Variants in HEMK2 observed in about 807,000 individuals in gnomAD.
HEMK2 encodes HemK methyltransferase 2, ETF1 glutamine and histone H4 lysine.
chr21:28,823,635 G>A, the HEMK2 span, among the ~76,000 whole-genome samples: 3 of 152,126 alleles, frequency 2.0e-5, no homozygotes, highest in African/African-American at 7.2e-5. Flanking sequence ...GCACTATAGA[G>A]ATGTATACTG....
the HEMK2 span, among the ~76,000 whole-genome samples, chr21:28,700,830 A>AACAC: frequency 0.34 from 51,389 of 150,708 alleles, 11,730 homozygotes; most frequent in African/African-American, 0.65. Context: ...AGCTTGCAGA[A>AACAC]ACACACACAC....
At chr21:28,749,790 T>A in the HEMK2 span, among the ~76,000 whole-genome samples, 1 of 152,160 alleles carries the variant, frequency 6.6e-6, no homozygotes, top group Non-Finnish European at 1.5e-5. Context: ...CTGTAAGAAA[T>A]TAAAATGAAC....
the HEMK2 span, among the ~76,000 whole-genome samples, chr21:28,737,278 C>A: frequency 6.6e-6 from 1 of 152,144 alleles, no homozygotes; most frequent in African/African-American, 2.4e-5. Context: ...GTGTGAACCA[C>A]CCCACCGAGG....
At chr21:28,744,072 C>A in the HEMK2 span, among the ~76,000 whole-genome samples, 1 of 151,756 alleles carries the variant, frequency 6.6e-6, no homozygotes, top group South Asian at 2.1e-4. Flanking sequence ...ATAGCAGATA[C>A]TGAGGCCTAC....
chr21:28,832,707 C>T, the HEMK2 span, among the ~76,000 whole-genome samples: 340 of 152,332 alleles, frequency 2.2e-3, no homozygotes, highest in Admixed American at 4.1e-3. Flanking sequence ...AAATATTTGG[C>T]TTATCTCACT....
the HEMK2 span, among the ~76,000 whole-genome samples, chr21:28,740,047 G>T: frequency 2.0e-5 from 3 of 152,148 alleles, no homozygotes; most frequent in Non-Finnish European, 4.4e-5. Flanking sequence ...GTAAATTCTT[G>T]TCTTCCCCCA....
the HEMK2 span, among the ~76,000 whole-genome samples, chr21:28,591,846 C>A: frequency 1.3e-5 from 2 of 152,260 alleles, no homozygotes; most frequent in East Asian, 3.9e-4. Flanking sequence ...CTAATGACCT[C>A]CAGCTCCATC....
the HEMK2 span, among the ~76,000 whole-genome samples, chr21:28,691,191 G>A: frequency 1.3e-5 from 2 of 152,162 alleles, no homozygotes; most frequent in African/African-American, 4.8e-5. Context: ...GAATACTCTT[G>A]TTAAAGAGAT....
the HEMK2 span, among the ~76,000 whole-genome samples, chr21:28,835,415 C>G: frequency 6.6e-6 from 1 of 152,178 alleles, no homozygotes; most frequent in Non-Finnish European, 1.5e-5. Flanking sequence ...GTTCATCTCA[C>G]AGGAAGTCAC....
chr21:28,841,315 A>ATTATATTATATATTATATATT, the HEMK2 span, among the ~76,000 whole-genome samples: 1 of 10,820 alleles, frequency 9.2e-5, no homozygotes, highest in Non-Finnish European at 1.3e-4. Flanking sequence ...TATAATATAT[A>ATTATATTATATATTATATATT]ATATATATTA....
chr21:28,825,835 A>G, the HEMK2 span, among the ~76,000 whole-genome samples: 1 of 152,228 alleles, frequency 6.6e-6, no homozygotes, highest in African/African-American at 2.4e-5. Flanking sequence ...GAAACCCCTC[A>G]GTCCTAAGAC....
At chr21:28,879,863 GT>G in the HEMK2 span, 1 of 1,550,970 alleles carries the variant, frequency 6.4e-7, no homozygotes, top group South Asian at 1.3e-5. Context: ...TTTGTTGTAT[GT>G]TTTACCTCTT....
At chr21:28,657,081 T>C in the HEMK2 span, among the ~76,000 whole-genome samples, 2 of 152,132 alleles carry the variant, frequency 1.3e-5, no homozygotes, top group South Asian at 4.1e-4. Flanking sequence ...GCATATTACA[T>C]TCATGTTTTC....
the HEMK2 span, among the ~76,000 whole-genome samples, chr21:28,577,813 T>C: frequency 1.3e-5 from 2 of 152,194 alleles, no homozygotes; most frequent in Non-Finnish European, 2.9e-5. Context: ...AATTCATCAT[T>C]AAACCCTCTA....
chr21:28,613,837 C>T, the HEMK2 span, among the ~76,000 whole-genome samples: 3,533 of 152,058 alleles, frequency 0.023, 155 homozygotes, highest in African/African-American at 0.081. Flanking sequence ...ATCTAAGTTG[C>T]AGTACTCCTA....
At chr21:28,623,033 C>G in the HEMK2 span, among the ~76,000 whole-genome samples, 1 of 152,086 alleles carries the variant, frequency 6.6e-6, no homozygotes, top group African/African-American at 2.4e-5. Flanking sequence ...AAACTATCAT[C>G]AGAGTGAAGA....
At chr21:28,727,023 T>C in the HEMK2 span, among the ~76,000 whole-genome samples, 1 of 152,182 alleles carries the variant, frequency 6.6e-6, no homozygotes, top group Non-Finnish European at 1.5e-5. Context: ...AGGGTCCCTT[T>C]GCTTGGGTTT....
chr21:28,725,058 C>T, the HEMK2 span, among the ~76,000 whole-genome samples: 85,660 of 151,910 alleles, frequency 0.56, 27,138 homozygotes, highest in African/African-American at 0.85. Flanking sequence ...TGGTATCACA[C>T]CTTTTTAAGA....
chr21:28,840,499 A>T, the HEMK2 span, among the ~76,000 whole-genome samples: 2 of 152,154 alleles, frequency 1.3e-5, no homozygotes, highest in Non-Finnish European at 2.9e-5. Flanking sequence ...ATCTACAATG[A>T]ACTCAAATCA....
Sources: allele counts gnomAD v4.1 joint callset (sites outside exome capture counted in the v4.1 genomes callset), GRCh38; gene constraint gnomAD v4.1.1; transcripts MANE v1.5; gene names NCBI Gene and HGNC (gene_info 2026-07-23, HGNC 2026-07-21).